Variants in PTPRM observed in about 807,000 individuals in gnomAD.
PTPRM encodes the protein receptor-type tyrosine-protein phosphatase mu.
A neutral mutation model predicts 186.7 loss-of-function variants in PTPRM; 47 were observed. That is an observed-to-expected ratio of 0.25 (90% CI 0.20 to 0.32). The LOEUF (loss-of-function observed/expected upper bound fraction) is 0.32, where lower values mean the gene tolerates loss of function less well. Ranked by LOEUF, PTPRM falls within the 10% of genes least tolerant of loss-of-function variation. The pLI is 1.00. For synonymous variants in PTPRM, 668 were observed against 674.9 expected (o/e 0.99, Z 0.16); for missense variants, 1,494 against 1,865.0 (o/e 0.80, Z 3.66).
chr18:7,593,977 C>T (rs980887154), intron 1 of PTPRM, among the ~76,000 whole-genome samples: 9 of 152,042 alleles, frequency 5.9e-5, no homozygotes, highest in East Asian at 3.9e-4. Flanking sequence ...TTCTTAGGTC[C>T]GATGTAATAT....
At chr18:7,778,404 A>G (rs1194856302) in intron 2 of PTPRM, among the ~76,000 whole-genome samples, 2 of 152,022 alleles carry the variant, frequency 1.3e-5, no homozygotes, top group Admixed American at 1.3e-4. Context: ...TCAGTGAGTG[A>G]GTGATTCGTT....
intron 12 of PTPRM, among the ~76,000 whole-genome samples, chr18:8,114,414 A>G (rs982667054): frequency 7.9e-5 from 12 of 152,174 alleles, no homozygotes; most frequent in African/African-American, 2.9e-4. Flanking sequence ...ATCGTGGTCA[A>G]CTTGACTTTT....
intron 7 of PTPRM, among the ~76,000 whole-genome samples, chr18:8,022,731 GA>G: frequency 6.6e-6 from 1 of 152,208 alleles, no homozygotes; most frequent in African/African-American, 2.4e-5. Flanking sequence ...CAGCAATACA[GA>G]ATAAGGCCTG....
At chr18:7,649,632 C>T (rs772769407) in intron 1 of PTPRM, among the ~76,000 whole-genome samples, 21 of 152,056 alleles carry the variant, frequency 1.4e-4, no homozygotes, top group Non-Finnish European at 1.9e-4. Flanking sequence ...AAAGTAACTA[C>T]AGATGGTGTA....
At chr18:8,076,945 C>G (rs1235010491) in intron 9 of PTPRM, among the ~76,000 whole-genome samples, 1 of 152,110 alleles carries the variant, frequency 6.6e-6, no homozygotes, top group African/African-American at 2.4e-5. Context: ...TAGAAGGACA[C>G]TGATTATCCA....
chr18:8,361,717 C>G (rs2095598202), intron 23 of PTPRM, among the ~76,000 whole-genome samples: 1 of 152,104 alleles, frequency 6.6e-6, no homozygotes, highest in South Asian at 2.1e-4. Flanking sequence ...AGTAAGGAAA[C>G]TGAGTACTAG....
intron 1 of PTPRM, among the ~76,000 whole-genome samples, chr18:7,684,934 C>T (rs1287302971): frequency 1.3e-5 from 2 of 152,218 alleles, no homozygotes; most frequent in South Asian, 2.1e-4. Context: ...ATACTGTTTT[C>T]CATAATAGCA....
intron 1 of PTPRM, among the ~76,000 whole-genome samples, chr18:7,773,522 T>C (rs2042425099): frequency 6.6e-6 from 1 of 152,036 alleles, no homozygotes; most frequent in Admixed American, 6.5e-5. Flanking sequence ...CTGGAAACTA[T>C]GAATTTTAAA....
intron 19 of PTPRM, among the ~76,000 whole-genome samples, chr18:8,268,367 C>T (rs576449109): frequency 2.0e-5 from 3 of 152,130 alleles, no homozygotes; most frequent in South Asian, 4.1e-4. Context: ...TTCCTAGAAA[C>T]GTACAACTTA....
At chr18:7,717,351 T>C (rs4798587) in intron 1 of PTPRM, among the ~76,000 whole-genome samples, 58,296 of 151,980 alleles carry the variant, frequency 0.38, 12,770 homozygotes, top group East Asian at 0.84. Flanking sequence ...AGCTTGATGG[T>C]GTAACTTCGA....
intron 7 of PTPRM, among the ~76,000 whole-genome samples, chr18:8,037,394 C>T (rs1474212257): frequency 4.6e-5 from 7 of 152,024 alleles, no homozygotes; most frequent in Admixed American, 6.5e-5. Context: ...GAAAAGTCTC[C>T]CTTTCCTTTT....
intron 1 of PTPRM, among the ~76,000 whole-genome samples, chr18:7,604,220 C>T (rs56165536): frequency 0.063 from 9,534 of 152,150 alleles, 365 homozygotes; most frequent in South Asian, 0.12. Context: ...CCGAGCAGGG[C>T]TTTACACTAA....
chr18:8,367,463 G>A (rs2095638015), intron 23 of PTPRM, among the ~76,000 whole-genome samples: 1 of 152,260 alleles, frequency 6.6e-6, no homozygotes, highest in Non-Finnish European at 1.5e-5. Flanking sequence ...GAGAGCAGAC[G>A]GTGTTTTCTT....
chr18:8,045,635 G>A (rs1351567604), intron 7 of PTPRM, among the ~76,000 whole-genome samples: 1 of 152,132 alleles, frequency 6.6e-6, no homozygotes, highest in Non-Finnish European at 1.5e-5. Flanking sequence ...AGAGGTGGGA[G>A]GTAGATTAGT....
chr18:8,054,298 A>ATATATAT (rs1555710874), intron 7 of PTPRM, among the ~76,000 whole-genome samples: 5,080 of 131,562 alleles, frequency 0.039, 190 homozygotes, highest in Non-Finnish European at 0.045. Flanking sequence ...TAGTAGTAGT[A>ATATATAT]ATATATATAT....
rs140054927 is a variant in PTPRM, at chr18:8,356,882, A to G, written c.3054+13362A>G. Among the ~76,000 whole-genome samples, 204 of 152,280 alleles carry G rather than the reference A, an allele frequency of 1.3e-3. 1 individual carries two copies. Among genetic ancestry groups the G allele is most frequent in the African/African-American group, 2.3e-3 (97 of 41,548 alleles). On this transcript the variant is annotated intron_variant, in intron 23 of 32. Transcript: ENST00000580170. The stretch of plus-strand genomic sequence containing the variant: ...CTTACCCCACACCTTACTTTTTGCA[A>G]CCTTGGAATGAAGGGAATTATCCAT...
chr18:8,315,195 T>G (rs1031749644), intron 21 of PTPRM, among the ~76,000 whole-genome samples: 3 of 152,234 alleles, frequency 2.0e-5, no homozygotes, highest in Admixed American at 2.0e-4. Context: ...TTATGTGGAC[T>G]AAGAAAATGT....
rs950011162 is a variant in PTPRM at position 7,797,610 on chromosome 18, G to A, written c.196+23339G>A. On this transcript the variant is annotated intron_variant, in intron 2 of 32. Transcript: ENST00000580170. ...CATGTGAACTCATGTGGGCTTTTAGGCTGTTGTCTGAAAATACTCAATTGA... is the reference window on the plus strand; with the variant it reads ...CATGTGAACTCATGTGGGCTTTTAGACTGTTGTCTGAAAATACTCAATTGA... Among the ~76,000 whole-genome samples the A allele has an allele frequency of 6.6e-5, 10 of 152,294 alleles. 1 individual carries two copies. The South Asian group carries it at 2.1e-3, about 32-fold the overall frequency.
intron 20 of PTPRM, among the ~76,000 whole-genome samples, chr18:8,312,992 G>A (rs2095280923): frequency 6.6e-6 from 1 of 152,176 alleles, no homozygotes; most frequent in South Asian, 2.1e-4. Flanking sequence ...TTACTCGACA[G>A]GAGGTTAAAC....
Sources: allele counts gnomAD v4.1 joint callset (sites outside exome capture counted in the v4.1 genomes callset), GRCh38; gene constraint gnomAD v4.1.1; transcripts MANE v1.5; gene names NCBI Gene and HGNC (gene_info 2026-07-23, HGNC 2026-07-21).